Variants in MBD5 observed in about 807,000 individuals in gnomAD.
MBD5 encodes the protein methyl-CpG binding domain protein 5, also known as methyl-CpG-binding domain protein 5.
Under a neutral mutation model 117.3 loss-of-function variants are expected in MBD5, and 13 were observed. The ratio of observed to expected loss-of-function variants is 0.11; its 90% CI spans 0.07 to 0.18. The LOEUF is 0.18. Among genes scored for constraint, MBD5 ranks in the 10% least tolerant of loss-of-function variants. The pLI is 1.00. For missense variants in MBD5, 1,879 were observed against 2,093.8 expected, an observed-to-expected ratio of 0.90 and a Z score of 2.00; for synonymous variants, 727 against 766.4, an observed-to-expected ratio of 0.95 and a Z score of 0.85.
intron 1 of MBD5, among the ~76,000 whole-genome samples, chr2:148,143,657 G>A (rs923090374): frequency 6.6e-6 from 1 of 152,104 alleles, no homozygotes; most frequent in Non-Finnish European, 1.5e-5. Flanking sequence ...CTGTGTCCAA[G>A]TGTTCTCATT....
chr2:148,182,028 A>T (rs1271647240), intron 2 of MBD5, among the ~76,000 whole-genome samples: 1 of 151,950 alleles, frequency 6.6e-6, no homozygotes, highest in Non-Finnish European at 1.5e-5. Context: ...TTTATATTTA[A>T]ACTCCTTTCT....
chr2:148,240,858 T>C (rs1434672494), intron 3 of MBD5, among the ~76,000 whole-genome samples: 1 of 152,152 alleles, frequency 6.6e-6, no homozygotes, highest in East Asian at 1.9e-4. Context: ...TTGCATGTGA[T>C]GCTTTTGAAA....
intron 1 of MBD5, chr2:148,025,620 CTCATA>C (rs1370100383): frequency 2.0e-5 from 3 of 148,568 alleles, no homozygotes; most frequent in African/African-American, 7.4e-5. Flanking sequence ...TCTTTTTTAT[CTCATA>C]TAACAGATTA....
chr2:148,287,813 C>A (rs912823379), intron 3 of MBD5, among the ~76,000 whole-genome samples: 1 of 152,112 alleles, frequency 6.6e-6, no homozygotes, highest in Non-Finnish European at 1.5e-5. Context: ...CCTATGATAA[C>A]AACATTAATT....
chr2:148,101,952 A>T (rs941205913), intron 1 of MBD5, among the ~76,000 whole-genome samples: 3 of 152,214 alleles, frequency 2.0e-5, no homozygotes, highest in Non-Finnish European at 4.4e-5. Context: ...TTTGAATGTC[A>T]TACTTGCATA....
chr2:148,062,820 T>C (rs1356071412), intron 1 of MBD5, among the ~76,000 whole-genome samples: 1 of 152,138 alleles, frequency 6.6e-6, no homozygotes, highest in African/African-American at 2.4e-5. Flanking sequence ...AATCACACTC[T>C]TTTTCTAGAA....
At chr2:148,063,202 A>G (rs1446272981) in intron 1 of MBD5, among the ~76,000 whole-genome samples, 2 of 152,168 alleles carry the variant, frequency 1.3e-5, no homozygotes, top group African/African-American at 2.4e-5. Context: ...TTGAGTACCA[A>G]TGCAGCTTCA....
intron 2 of MBD5, among the ~76,000 whole-genome samples, chr2:148,214,923 G>C (rs976077193): frequency 6.6e-6 from 1 of 152,092 alleles, no homozygotes; most frequent in Admixed American, 6.5e-5. Flanking sequence ...TGAAATTACT[G>C]GTAAGGTAAC....
intron 2 of MBD5, among the ~76,000 whole-genome samples, chr2:148,200,170 C>G (rs972811635): frequency 9.5e-5 from 14 of 147,866 alleles, no homozygotes; most frequent in Admixed American, 4.8e-4. Flanking sequence ...TGCAGTCCCC[C>G]CCTTACCTTG....
Position 148,136,109 on chromosome 2 carries a change from T to C in MBD5, c.-924-42591T>C, listed in dbSNP as rs1351255604. 2.0e-5 allele frequency among the ~76,000 whole-genome samples: 3 copies of C among 152,092 alleles called. No individual in the cohort carries two copies. In the East Asian group the frequency reaches 5.8e-4, roughly 29 times the overall value. ...GGTGGTGGGTGTCAGAGTTGGGAGA[T>C]TAAAGCATCAGGGACACATTCTCAG... is the stretch of plus-strand genomic sequence containing the variant. On this transcript the variant is annotated intron_variant, in intron 1 of 13. Transcript: ENST00000642680.
At chr2:148,488,357 T>C (rs1486232458) in intron 10 of MBD5, among the ~76,000 whole-genome samples, 2 of 152,096 alleles carry the variant, frequency 1.3e-5, no homozygotes, top group Non-Finnish European at 2.9e-5. Context: ...AGATCTAGGA[T>C]TGATGGGCAG....
chr2:148,183,896 A>G (rs1380131003), intron 2 of MBD5, among the ~76,000 whole-genome samples: 2 of 152,168 alleles, frequency 1.3e-5, no homozygotes, highest in Non-Finnish European at 2.9e-5. Flanking sequence ...TTCCTTCAAT[A>G]CTTTGAAAAT....
intron 1 of MBD5, among the ~76,000 whole-genome samples, chr2:148,164,677 CTAT>C (rs1160334122): frequency 6.6e-6 from 1 of 152,088 alleles, no homozygotes; most frequent in Non-Finnish European, 1.5e-5. Flanking sequence ...TCTTGCTAAA[CTAT>C]AAGTACATAA....
intron 3 of MBD5, among the ~76,000 whole-genome samples, chr2:148,323,423 T>C (rs4381728): frequency 0.94 from 141,538 of 150,202 alleles, 67,199 homozygotes; most frequent in East Asian, 1. Flanking sequence ...ATCGCCACAC[T>C]GACTTCCACA....
intron 1 of MBD5, among the ~76,000 whole-genome samples, chr2:148,036,517 G>A (rs1268358407): frequency 6.6e-6 from 1 of 152,122 alleles, no homozygotes; most frequent in African/African-American, 2.4e-5. Context: ...TTAAATGGGT[G>A]TAGACAATTA....
intron 3 of MBD5, among the ~76,000 whole-genome samples, chr2:148,321,095 A>G (rs1370941017): frequency 6.6e-6 from 1 of 152,232 alleles, no homozygotes; most frequent in Non-Finnish European, 1.5e-5. Context: ...AATTTGGTAA[A>G]ATATACTGGA....
At chr2:148,205,887 T>A (rs1263633635) in intron 2 of MBD5, among the ~76,000 whole-genome samples, 1 of 152,030 alleles carries the variant, frequency 6.6e-6, no homozygotes, top group African/African-American at 2.4e-5. Flanking sequence ...CAGCCAGTGA[T>A]CCCAGCGACT....
At chr2:148,150,376 A>G (rs1697619140) in intron 1 of MBD5, among the ~76,000 whole-genome samples, 1 of 151,610 alleles carries the variant, frequency 6.6e-6, no homozygotes, top group East Asian at 1.9e-4. Flanking sequence ...AGGTAGTGTG[A>G]TGCCTCCAGC....
intron 3 of MBD5, among the ~76,000 whole-genome samples, chr2:148,340,604 CA>C (rs1225851877): frequency 6.6e-6 from 1 of 151,838 alleles, no homozygotes; most frequent in African/African-American, 2.4e-5. Context: ...TTTGGAACAA[CA>C]AAAAAATTTC....
Sources: gnomAD v4.1 joint callset for allele counts (sites outside exome capture counted in the v4.1 genomes callset) on GRCh38, gnomAD v4.1.1 for gene constraint, MANE v1.5 for transcripts, NCBI Gene and HGNC (gene_info 2026-07-23, HGNC 2026-07-21) for gene names.